The following RAD54B variants were observed in gnomAD, a reference collection of about 807,000 sequenced individuals.
RAD54B encodes the protein RAD54 homolog B.
Under a neutral mutation model 95.8 loss-of-function variants are expected in RAD54B, and 78 were observed. The observed-to-expected ratio is 0.81, with a 90% CI of 0.68 to 0.98. RAD54B has a LOEUF of 0.98. Among genes scored for constraint, RAD54B ranks in the 50% least tolerant of loss-of-function variants. The pLI is 0.00. For synonymous variants in RAD54B, 328 were observed against 354.9 expected, an observed-to-expected ratio of 0.92 and a Z score of 0.85; for missense variants, 957 against 1,056.6, an observed-to-expected ratio of 0.91 and a Z score of 1.31.
At chr8:94,372,416 C>T (rs1277313978) in intron 14 of RAD54B, 29 bp from the exon 15 acceptor site, 1 of 1,606,840 alleles carries the variant, frequency 6.2e-7, no homozygotes, top group South Asian at 1.1e-5. Context: ...TGAGAAAATC[C>T]TTAGGCAAGC....
chr8:94,392,764 A>ATTTTTT lies in RAD54B; in HGVS notation c.1519-871_1519-866dup, dbSNP rs34856809. Among the ~76,000 whole-genome samples, 271 of 72,586 alleles carry ATTTTTT rather than the reference A, an allele frequency of 3.7e-3. 2 individuals are homozygous for ATTTTTT. Among genetic ancestry groups the ATTTTTT allele is most frequent in the African/African-American group, 0.015 (260 of 17,352 alleles). 47.6% of individuals were successfully genotyped at this position (72,586 alleles called of 152,430 possible). ...AGGTACATGCCACCACACCTGGCTGATTTTTTTTTTTTTTTTTTTTTTTGG... is the reference window on the plus strand; with the variant it reads ...AGGTACATGCCACCACACCTGGCTGATTTTTTTTTTTTTTTTTTTTTTTTTTTTTGG... On this transcript the variant is annotated intron_variant, in intron 9 of 14. Transcript: ENST00000336148.
Position 94,469,492 on chromosome 8 carries a change from T to C in RAD54B, c.-16-1937A>G, listed in dbSNP as rs558909857. The stretch of plus-strand genomic sequence containing the variant: ...AATTACCCAGTCTTGAGTATCTCTT[T>C]ATTAGCAGTGTGAGAACAGACTAAT... On this transcript the variant is annotated intron_variant, in intron 1 of 14. Transcript: ENST00000336148. Among the ~76,000 whole-genome samples, 5 of 152,360 alleles carry C rather than the reference T, an allele frequency of 3.3e-5. No individual in the cohort carries two copies. The South Asian group carries it at 6.2e-4, about 19-fold the overall frequency.
rs1225391222 is a variant in RAD54B at position 94,427,797 on chromosome 8, A to G, written c.305-16482T>C. The G allele has an allele frequency of 9.4e-6, 9 of 957,182 alleles. No homozygotes were observed. The African/African-American group carries it at 1.4e-4, about 15-fold the overall frequency. 59.3% of individuals were successfully genotyped at this position (957,182 alleles called of 1,614,324 possible). On this transcript the variant is annotated intron_variant, in intron 3 of 14. Transcript: ENST00000336148. Reference sequence around the variant, plus strand: ...ATTATCTACAGTATATATTAAACACAATTTATTACACTCTAAGTTATTTAA... The same window carrying G: ...ATTATCTACAGTATATATTAAACACGATTTATTACACTCTAAGTTATTTAA...
intron 3 of RAD54B, among the ~76,000 whole-genome samples, chr8:94,414,118 G>A (rs1019784734): frequency 1.3e-5 from 2 of 152,130 alleles, no homozygotes; most frequent in Non-Finnish European, 2.9e-5. Context: ...TTACAGGCGT[G>A]AGCCACTGCA....
chr8:94,430,567 A>AAATC, intron 3 of RAD54B: 1 of 675,138 alleles, frequency 1.5e-6, no homozygotes, highest in Non-Finnish European at 1.8e-6. Flanking sequence ...AAATGGATTT[A>AAATC]CATTTCTAAC....
chr8:94,400,801 ATT>A (rs533224218), intron 6 of RAD54B, among the ~76,000 whole-genome samples: 78 of 152,230 alleles, frequency 5.1e-4, no homozygotes, highest in African/African-American at 1.7e-3. Context: ...GAGTTGAGTG[ATT>A]TTTATTGGTT....
intron 3 of RAD54B, among the ~76,000 whole-genome samples, chr8:94,446,829 G>A (rs1220171071): frequency 6.6e-6 from 1 of 152,132 alleles, no homozygotes; most frequent in Non-Finnish European, 1.5e-5. Context: ...CCAAGGCATA[G>A]GGCCCTCATT....
At chr8:94,379,732 C>G (rs1810686707) in intron 12 of RAD54B, among the ~76,000 whole-genome samples, 1 of 152,192 alleles carries the variant, frequency 6.6e-6, no homozygotes, top group Non-Finnish European at 1.5e-5. Context: ...CAAACATTTT[C>G]CTAAATATGT....
intron 5 of RAD54B, among the ~76,000 whole-genome samples, chr8:94,405,446 A>G (rs1484273360): frequency 6.6e-6 from 1 of 152,212 alleles, no homozygotes; most frequent in Non-Finnish European, 1.5e-5. Context: ...CTATACTGTC[A>G]CAGGAATAAG....
intron 1 of RAD54B, among the ~76,000 whole-genome samples, chr8:94,472,688 A>G (rs1813199809): frequency 6.6e-6 from 1 of 152,210 alleles, no homozygotes; most frequent in Non-Finnish European, 1.5e-5. Context: ...AGGAAACCAG[A>G]GTGTAGTTCA....
chr8:94,433,166 G>C (rs1395182126), intron 3 of RAD54B, among the ~76,000 whole-genome samples: 1 of 152,072 alleles, frequency 6.6e-6, no homozygotes, highest in Admixed American at 6.6e-5. Context: ...TTCTGCATTT[G>C]CCCAAAAAAT....
intron 3 of RAD54B, among the ~76,000 whole-genome samples, chr8:94,442,523 C>T (rs536377648): frequency 2.6e-4 from 38 of 147,164 alleles, no homozygotes; most frequent in Admixed American, 1.3e-3. Context: ...TGCAGTGAGC[C>T]GAGATCGCGC....
At position 94,399,493 on chromosome 8, in the gene RAD54B, C is replaced by T. The variant is rs747301724; in HGVS notation, c.1299G>A (p.Gly433=). Residue 433 remains glycine, a synonymous_variant, in exon 8 of 15, where the codon GGG becomes GGA. Coordinates refer to ENST00000336148, the MANE Select transcript of RAD54B (RefSeq NM_012415.3). ...IKFDLLICDE[G]HRLKNSAIKT... is the part of the protein sequence containing the mutation. ...TAATGGCACTGTTCTTCAAACGATGCCCCTCGTCACAGATTAGAAGATCAA... is the reference window on the plus strand; with the variant it reads ...TAATGGCACTGTTCTTCAAACGATGTCCCTCGTCACAGATTAGAAGATCAA... The T allele has an allele frequency of 9.9e-6, 16 of 1,613,414 alleles. No homozygotes were observed. The Admixed American group carries it at 2.2e-4, about 22-fold the overall frequency.
chr8:94,385,893 A>C (rs1810878844), intron 11 of RAD54B, among the ~76,000 whole-genome samples: 2 of 152,174 alleles, frequency 1.3e-5, no homozygotes, highest in African/African-American at 4.8e-5. Context: ...ACCACATGGT[A>C]TGTGTGAAGG....
intron 2 of RAD54B, among the ~76,000 whole-genome samples, chr8:94,463,814 T>C (rs541506745): frequency 2.1e-5 from 3 of 145,604 alleles, no homozygotes; most frequent in Admixed American, 1.4e-4. Context: ...ACTTAGGAGA[T>C]GGAGGTGGGA....
intron 3 of RAD54B, chr8:94,431,385 A>C (rs1235733717): frequency 7.1e-6 from 7 of 984,676 alleles, no homozygotes; most frequent in African/African-American, 1.7e-5. Flanking sequence ...TAATTGATGT[A>C]ATTATCCTGA....
intron 3 of RAD54B, among the ~76,000 whole-genome samples, chr8:94,414,437 C>A (rs1219090774): frequency 1.3e-5 from 2 of 152,082 alleles, no homozygotes; most frequent in Non-Finnish European, 2.9e-5. Flanking sequence ...AGTTTTTGCC[C>A]ATTCAGTGTG....
chr8:94,409,649 A>C (rs1811480827), intron 4 of RAD54B, among the ~76,000 whole-genome samples: 1 of 152,154 alleles, frequency 6.6e-6, no homozygotes. Context: ...TACAGGCGTG[A>C]GCCACTACAC....
At chr8:94,405,605 C>G (rs1811367790) in intron 5 of RAD54B, among the ~76,000 whole-genome samples, 1 of 152,132 alleles carries the variant, frequency 6.6e-6, no homozygotes, top group Non-Finnish European at 1.5e-5. Flanking sequence ...GAAATGTAGT[C>G]CTTGGCTTTC....
Sources: allele counts gnomAD v4.1 joint callset (sites outside exome capture counted in the v4.1 genomes callset), GRCh38; gene constraint gnomAD v4.1.1; transcripts MANE v1.5; gene names NCBI Gene and HGNC (gene_info 2026-07-23, HGNC 2026-07-21).